SETD3: variants seen among roughly 807,000 people sequenced by gnomAD.
SETD3 encodes actin-histidine N-methyltransferase.
SETD3 carries 19 observed loss-of-function variants against 63.0 expected under a neutral mutation model. That is an observed-to-expected ratio of 0.30 (90% CI 0.21 to 0.44). SETD3 has a LOEUF of 0.44. SETD3 is among the 20% of genes least tolerant of loss of function. SETD3 has a pLI of 1.00. For missense variants in SETD3, 587 were observed against 728.5 expected (o/e 0.81, Z 2.24); for synonymous variants, 286 against 264.1 (o/e 1.08, Z -0.80).
At chr14:99,474,827 C>G (rs1895887585) in intron 1 of SETD3, among the ~76,000 whole-genome samples, 1 of 151,646 alleles carries the variant, frequency 6.6e-6, no homozygotes, top group African/African-American at 2.4e-5. Context: ...AAGACTGTGT[C>G]TCAAAAATAA....
intron 1 of SETD3, among the ~76,000 whole-genome samples, chr14:99,470,113 G>T (rs1418844853): frequency 6.6e-6 from 1 of 152,116 alleles, no homozygotes; most frequent in Non-Finnish European, 1.5e-5. Context: ...AGCTCCAGGG[G>T]ACTGCTCATG....
chr14:99,423,399 T>C (rs766710705), intron 6 of SETD3, among the ~76,000 whole-genome samples: 1 of 151,910 alleles, frequency 6.6e-6, no homozygotes, highest in Admixed American at 6.6e-5. Flanking sequence ...AGAATGGTAT[T>C]ATAGTAAGTC....
chr14:99,427,132 T>A (rs1430117263), intron 6 of SETD3, among the ~76,000 whole-genome samples: 1 of 152,210 alleles, frequency 6.6e-6, no homozygotes, highest in Non-Finnish European at 1.5e-5. Flanking sequence ...TTTTGCAAAT[T>A]AACCTTTTAG....
At chr14:99,437,804 T>C (rs1225799386) in intron 6 of SETD3, among the ~76,000 whole-genome samples, 1 of 152,186 alleles carries the variant, frequency 6.6e-6, no homozygotes, top group Non-Finnish European at 1.5e-5. Flanking sequence ...TCAAAGAAAC[T>C]CCATTTCACA....
chr14:99,399,987 C>T (rs193201654), intron 12 of SETD3, 112 bp downstream of exon 12: 18 of 938,734 alleles, frequency 1.9e-5, no homozygotes, highest in Admixed American at 3.0e-5. Flanking sequence ...TGATCCGCCC[C>T]GCCTCGACCT....
chr14:99,454,225 T>C (rs979055880), intron 6 of SETD3, among the ~76,000 whole-genome samples: 11 of 152,192 alleles, frequency 7.2e-5, no homozygotes, highest in Non-Finnish European at 7.3e-5. Flanking sequence ...GATCTTGCTC[T>C]GTTGCCCAAG....
chr14:99,424,108 T>C (rs1892747526), intron 6 of SETD3, among the ~76,000 whole-genome samples: 2 of 152,182 alleles, frequency 1.3e-5, no homozygotes, highest in Non-Finnish European at 2.9e-5. Context: ...AACAGGTAAT[T>C]ATTAAATTGT....
intron 6 of SETD3, among the ~76,000 whole-genome samples, chr14:99,447,575 C>T (rs752239292): frequency 1.3e-5 from 2 of 152,176 alleles, no homozygotes; most frequent in Admixed American, 6.5e-5. Context: ...TCAGCTATCA[C>T]GAACAGGCAA....
At chr14:99,481,914 C>T (rs1047665971), upstream of SETD3, among the ~76,000 whole-genome samples, 2 of 152,212 alleles carry the variant, frequency 1.3e-5, no homozygotes, top group Admixed American at 1.3e-4. Flanking sequence ...CTAGGGTACT[C>T]CGACTTTGGA....
rs9806010 is a variant in SETD3 at position 99,441,915 on chromosome 14, G to A, written c.675+16364C>T. ...GGGACCCTTTGGAAGAAAGAAGAGT[G>A]GCCAGGACTGGGTGATGGAGTCGTG... On this transcript the variant is annotated intron_variant, in intron 6 of 12. Transcript: ENST00000331768. 4.1e-3 allele frequency among the ~76,000 whole-genome samples: 621 copies of A among 152,334 alleles called. 3 individuals carry two copies. Among genetic ancestry groups the A allele is most frequent in the African/African-American group, 0.013 (558 of 41,582 alleles).
chr14:99,404,799 A>C (rs1017669938), intron 10 of SETD3, among the ~76,000 whole-genome samples: 12 of 152,238 alleles, frequency 7.9e-5, no homozygotes, highest in African/African-American at 2.4e-4. Context: ...AATGCAAGAA[A>C]ATCTTAAAGA....
upstream of SETD3, among the ~76,000 whole-genome samples, chr14:99,483,887 G>A (rs555636595): frequency 2.6e-4 from 39 of 152,280 alleles, no homozygotes; most frequent in Non-Finnish European, 4.6e-4. Context: ...GATAAGCAGC[G>A]TGATTCTCAA....
upstream of SETD3, among the ~76,000 whole-genome samples, chr14:99,485,792 G>A (rs918477703): frequency 3.3e-5 from 5 of 151,944 alleles, no homozygotes; most frequent in African/African-American, 7.3e-5. Context: ...CCCTGGAGGC[G>A]GGAGGTTGCA....
chr14:99,434,165 C>A (rs183337318), intron 6 of SETD3, among the ~76,000 whole-genome samples: 6 of 123,684 alleles, frequency 4.9e-5, no homozygotes, highest in Admixed American at 2.5e-4. Flanking sequence ...AAATGTCCAT[C>A]GACAGAACAG....
At chr14:99,413,605 G>A (rs1431632318) in intron 7 of SETD3, among the ~76,000 whole-genome samples, 1 of 152,040 alleles carries the variant, frequency 6.6e-6, no homozygotes, top group African/African-American at 2.4e-5. Flanking sequence ...AAATCCATAG[G>A]ACCACCCAAC....
At chr14:99,454,216 A>G (rs1021830293) in intron 6 of SETD3, among the ~76,000 whole-genome samples, 7 of 151,854 alleles carry the variant, frequency 4.6e-5, no homozygotes, top group African/African-American at 1.7e-4. Context: ...TTTAGATGGG[A>G]TCTTGCTCTG....
At chr14:99,448,379 A>C (rs1195056838) in intron 6 of SETD3, among the ~76,000 whole-genome samples, 1 of 152,200 alleles carries the variant, frequency 6.6e-6, no homozygotes, top group Non-Finnish European at 1.5e-5. Context: ...CTTCTCACGC[A>C]GTGTCTTCCA....
At chr14:99,454,349 C>G (rs1268038026) in intron 6 of SETD3, among the ~76,000 whole-genome samples, 3 of 152,122 alleles carry the variant, frequency 2.0e-5, no homozygotes, top group African/African-American at 7.2e-5. Context: ...GCCACCACAC[C>G]TGGCTAATTT....
At chr14:99,401,740 A>C (rs1379943973) in intron 11 of SETD3, among the ~76,000 whole-genome samples, 1 of 152,106 alleles carries the variant, frequency 6.6e-6, no homozygotes, top group African/African-American at 2.4e-5. Flanking sequence ...AAGCTTTCTT[A>C]GTGGCTGAAA....
Sources: allele counts gnomAD v4.1 joint callset (sites outside exome capture counted in the v4.1 genomes callset), GRCh38; gene constraint gnomAD v4.1.1; transcripts MANE v1.5; gene names NCBI Gene and HGNC (gene_info 2026-07-23, HGNC 2026-07-21).